Variants in COL9A1 observed in about 807,000 individuals in gnomAD.
The protein encoded by COL9A1 is collagen type IX alpha 1 chain, also known as collagen alpha-1(IX) chain.
In COL9A1, 104 loss-of-function variants were observed where a neutral mutation model predicts 142.6. That is an observed-to-expected ratio of 0.73 (90% CI 0.62 to 0.86). COL9A1 has a LOEUF of 0.86. Among genes scored for constraint, COL9A1 ranks in the 40% least tolerant of loss-of-function variants. The probability of loss-of-function intolerance (pLI) is 0.00; values close to 1 mark genes in which losing one functional copy is unlikely to be tolerated. For missense variants in COL9A1, 1,210 were observed against 1,176.6 expected, an observed-to-expected ratio of 1.03 and a Z score of -0.42; for synonymous variants, 466 against 396.0, an observed-to-expected ratio of 1.18 and a Z score of -2.10.
At chr6:70,298,135 T>G (rs1379028938) in intron 4 of COL9A1, among the ~76,000 whole-genome samples, 1 of 152,174 alleles carries the variant, frequency 6.6e-6, no homozygotes, top group Non-Finnish European at 1.5e-5. Flanking sequence ...GGGAGGCAGA[T>G]TATAAAGAAA....
At chr6:70,291,718 G>T (rs998661042) in intron 5 of COL9A1, among the ~76,000 whole-genome samples, 1 of 152,054 alleles carries the variant, frequency 6.6e-6, no homozygotes, top group Non-Finnish European at 1.5e-5. Flanking sequence ...AAATTCTGAA[G>T]GAAAATCACA....
At chr6:70,302,515 T>C (rs1774112106) in intron 1 of COL9A1, among the ~76,000 whole-genome samples, 1 of 152,132 alleles carries the variant, frequency 6.6e-6, no homozygotes, top group South Asian at 2.1e-4. Flanking sequence ...GCCTTCATTT[T>C]TACTTTGAAA....
At position 70,283,678 on chromosome 6, in the gene COL9A1, T is replaced by G. The variant is rs536433038; in HGVS notation, c.780+59A>C. The G allele has an allele frequency of 2.4e-5, 30 of 1,272,520 alleles. No homozygotes were observed. In the South Asian group the frequency reaches 3.1e-4, roughly 13 times the overall value. 78.8% of individuals were successfully genotyped at this position (1,272,520 alleles called of 1,614,324 possible). A position where few individuals can be genotyped will look rare whatever the true frequency, so the allele number is the denominator to read the frequency against. On this transcript the variant is annotated intron_variant, in intron 6 of 37. Coordinates refer to ENST00000357250, the MANE Select transcript of COL9A1 (RefSeq NM_001851.6). Reference sequence around the variant, plus strand: ...GGGAGGTGGCAAGATGGGAAAGTGGTGAGGTGGAGAGGGTTGAGCTGGGTA... The same window carrying G: ...GGGAGGTGGCAAGATGGGAAAGTGGGGAGGTGGAGAGGGTTGAGCTGGGTA...
intron 28 of COL9A1, among the ~76,000 whole-genome samples, chr6:70,244,819 T>C (rs1297026080): frequency 6.6e-6 from 1 of 152,222 alleles, no homozygotes; most frequent in Admixed American, 6.5e-5. Flanking sequence ...CTCTGTCTTT[T>C]CTAAGTTCTT....
At chr6:70,302,499 C>T (rs1375291119) in intron 1 of COL9A1, among the ~76,000 whole-genome samples, 1 of 152,100 alleles carries the variant, frequency 6.6e-6, no homozygotes, top group Non-Finnish European at 1.5e-5. Flanking sequence ...TAAGCCACCG[C>T]ACCCAGCCTT....
chr6:70,220,139 GTCATCATCA>G (rs147934773), intron 37 of COL9A1, among the ~76,000 whole-genome samples: 5 of 151,106 alleles, frequency 3.3e-5, no homozygotes, highest in African/African-American at 7.3e-5. Flanking sequence ...TTTTGATGAT[GTCATCATCA>G]TCATCATCAT....
intron 28 of COL9A1, among the ~76,000 whole-genome samples, chr6:70,244,998 C>G (rs965513170): frequency 1.1e-4 from 17 of 152,178 alleles, no homozygotes; most frequent in African/African-American, 4.1e-4. Context: ...AGCATTTACT[C>G]CCCTGTTACT....
At chr6:70,300,769 G>C (rs1032006251) in intron 2 of COL9A1, among the ~76,000 whole-genome samples, 1 of 152,166 alleles carries the variant, frequency 6.6e-6, no homozygotes, top group Admixed American at 6.5e-5. Flanking sequence ...GAATGGCACA[G>C]GGTCAGAAAT....
At chr6:70,270,507 T>C in intron 14 of COL9A1, 140 bp from the exon 15 acceptor site, 1 of 579,044 alleles carries the variant, frequency 1.7e-6, no homozygotes, top group Non-Finnish European at 2.9e-6. Context: ...CCAAAATCGA[T>C]GGGTGGCCCG....
intron 28 of COL9A1, among the ~76,000 whole-genome samples, chr6:70,246,583 G>T (rs762724101): frequency 3.3e-5 from 5 of 152,082 alleles, no homozygotes; most frequent in Admixed American, 6.6e-5. Context: ...TAATTCTGCA[G>T]GTCTGGGGTA....
At chr6:70,282,801 A>T in intron 7 of COL9A1, 97 bp downstream of exon 7, 1 of 1,576,056 alleles carries the variant, frequency 6.3e-7, no homozygotes, top group Non-Finnish European at 8.7e-7. Context: ...AGCCCTGGGG[A>T]TGCTCCGCGC....
intron 36 of COL9A1, among the ~76,000 whole-genome samples, chr6:70,229,359 T>A (rs187688435): frequency 6.6e-6 from 1 of 152,210 alleles, no homozygotes. Context: ...AAAATATGCA[T>A]AAAGAGCTTG....
At position 70,226,026 on chromosome 6, in the gene COL9A1, A is replaced by G; in HGVS notation, c.2504-17T>C. The G allele has an allele frequency of 6.3e-7, 1 of 1,599,832 alleles. No individual in the cohort carries two copies. Among genetic ancestry groups the G allele is most frequent in the Non-Finnish European group, 8.6e-7 (1 of 1,167,860 alleles). On this transcript the variant is annotated splice_polypyrimidine_tract_variant and intron_variant, in intron 36 of 37. Coordinates refer to ENST00000357250, the MANE Select transcript of COL9A1 (RefSeq NM_001851.6). ...CCAAGTCACCTGCATTACATTAAAG[A>G]AATGTTATTTTTCTACATATCTATA...
chr6:70,274,950 T>G, intron 10 of COL9A1, 178 bp from the exon 11 acceptor site: 1 of 606,186 alleles, frequency 1.6e-6, no homozygotes, highest in Middle Eastern at 4.4e-4. Flanking sequence ...TAACAGAAGA[T>G]CTGCCTGTTG....
intron 19 of COL9A1, among the ~76,000 whole-genome samples, chr6:70,262,128 T>TA (rs1771730307): frequency 6.6e-6 from 1 of 151,352 alleles, no homozygotes; most frequent in South Asian, 2.1e-4. Context: ...AAAATTTTTT[T>TA]AAAAAACTTT....
intron 18 of COL9A1, among the ~76,000 whole-genome samples, chr6:70,266,086 A>G (rs145203239): frequency 6.6e-6 from 1 of 152,312 alleles, no homozygotes; most frequent in African/African-American, 2.4e-5. Context: ...AGTGGATGAA[A>G]AGAGGGCAAA....
chr6:70,241,484 A>T, intron 30 of COL9A1, 30 bp from the exon 31 acceptor site: 1 of 1,587,432 alleles, frequency 6.3e-7, no homozygotes, highest in Non-Finnish European at 8.6e-7. Flanking sequence ...ATACTTTTTC[A>T]GTATTTTCAA....
rs750743616 is a variant in COL9A1, at chr6:70,266,757, G to A, written c.1301C>T (p.Ala434Val). 3 of 1,613,004 alleles carry A rather than the reference G, an allele frequency of 1.9e-6. No homozygotes were observed. The highest frequency in any genetic ancestry group is 2.5e-6 in the Non-Finnish European group (3 of 1,179,360). The change falls in exon 18 of 38, where the codon GCT (alanine) becomes GTT (valine). Residue 434 changes from alanine (A) to valine (V), a missense_variant. By Grantham distance (64) the Ala-to-Val change is moderately conservative. Transcript: ENST00000357250. ...TCCTGGTTCACCAATTTCTCCTTTA[G>A]CCCCTTTATGACCCTAACAAATGCA... Reference protein sequence around the residue: ...GLPGMRGHKGAKGEIGEPGRQ... With the variant: ...GLPGMRGHKGVKGEIGEPGRQ...
chr6:70,281,460 C>A lies in COL9A1; in HGVS notation c.806G>T (p.Gly269Val), dbSNP rs752119760. The change falls in exon 8 of 38, where the codon GGT becomes GTT. Residue 269 changes from glycine to valine, a missense_variant. Transcript: ENST00000357250. The part of the protein sequence containing the change: ...ITPSQTTDER[G>V]PPGEQGPPGP... ...GGGAGGACCCTGCTCACCCGGGGGA[C>A]CTCTCTGGCAAAAATAGCAGACATA... The A allele has an allele frequency of 2.6e-5, 42 of 1,611,224 alleles. No homozygotes were observed. Among genetic ancestry groups the A allele is most frequent in the African/African-American group, 5.4e-5 (4 of 74,732 alleles).
Sources: gnomAD v4.1 joint callset for allele counts (sites outside exome capture counted in the v4.1 genomes callset) on GRCh38, gnomAD v4.1.1 for gene constraint, MANE v1.5 for transcripts, NCBI Gene and HGNC (gene_info 2026-07-23, HGNC 2026-07-21) for gene names.